The following BPIFB4 variants were observed in gnomAD, a reference collection of about 807,000 sequenced individuals.
BPIFB4 encodes BPI fold containing family B member 4.
Under a neutral mutation model 69.2 loss-of-function variants are expected in BPIFB4, and 62 were observed. The ratio of observed to expected loss-of-function variants is 0.90; its 90% CI spans 0.73 to 1.11. The LOEUF is 1.11. BPIFB4 is among the 50% of genes least tolerant of loss of function. BPIFB4 has a pLI of 0.00. For synonymous variants in BPIFB4, 330 were observed against 332.7 expected, an observed-to-expected ratio of 0.99 and a Z score of 0.09; for missense variants, 789 against 792.0, an observed-to-expected ratio of 1.00 and a Z score of 0.04.
rs1440855716 is a variant in BPIFB4, at chr20:33,086,039, C to T, written c.801C>T (p.Asp267=). Reference sequence around the variant, plus strand: ...CCTCCAGTCTTATTGGCTTCCTGGACATCGCAGTAGAAGTGAACATCACAG... The same window carrying T: ...CCTCCAGTCTTATTGGCTTCCTGGATATCGCAGTAGAAGTGAACATCACAG... ...INGKSLIGFL[D]IAVEVNITAK... Residue 267 remains aspartate, a synonymous_variant, in exon 7 of 18, where the codon GAC becomes GAT. Coordinates refer to ENST00000375483, the MANE Select transcript of BPIFB4 (RefSeq NM_182519.3). 6 of 1,611,376 alleles carry T rather than the reference C, an allele frequency of 3.7e-6. No homozygotes were observed. The highest frequency in any genetic ancestry group is 4.5e-5 in the East Asian group (2 of 44,796).
At chr20:33,094,563 G>A (rs1981703452) in intron 11 of BPIFB4, among the ~76,000 whole-genome samples, 1 of 150,730 alleles carries the variant, frequency 6.6e-6, no homozygotes, top group Non-Finnish European at 1.5e-5. Context: ...CTGTAGTGCA[G>A]TGTTGTGATG....
chr20:33,086,228 A>G (rs1981425641), intron 7 of BPIFB4, 64 bp downstream of exon 7: 3 of 1,557,394 alleles, frequency 1.9e-6, no homozygotes, highest in Middle Eastern at 1.8e-4. Flanking sequence ...TTGGCAAACA[A>G]CATGACGTCA....
chr20:33,089,051 G>A (rs1001985155), intron 8 of BPIFB4, 22 bp downstream of exon 8: 2 of 1,613,814 alleles, frequency 1.2e-6, no homozygotes, highest in Non-Finnish European at 1.7e-6. Context: ...TCCCAGTATG[G>A]GAGCAAGGGG....
At chr20:33,085,939 A>G (rs7351894) in intron 6 of BPIFB4, 82 bp from the exon 7 acceptor site, 2 of 1,490,696 alleles carry the variant, frequency 1.3e-6, no homozygotes, top group African/African-American at 2.8e-5. Flanking sequence ...TGGCAGGGAC[A>G]GCAAGGACAG....
intron 15 of BPIFB4, among the ~76,000 whole-genome samples, 164 bp downstream of exon 15, chr20:33,103,178 G>A (rs557161832): frequency 3.3e-4 from 50 of 152,318 alleles, no homozygotes; most frequent in African/African-American, 1.2e-3. Flanking sequence ...ATGGACAGAT[G>A]TAGAAACTGA....
chr20:33,104,579 C>T, intron 15 of BPIFB4: 1 of 494,406 alleles, frequency 2.0e-6, no homozygotes, highest in South Asian at 3.1e-5. Context: ...CCTTGGGCCA[C>T]CACCCATGCT....
At chr20:33,102,308 T>C (rs956575165) in intron 14 of BPIFB4, among the ~76,000 whole-genome samples, 1 of 152,262 alleles carries the variant, frequency 6.6e-6, no homozygotes, top group Admixed American at 6.5e-5. Flanking sequence ...CTGATGCTTC[T>C]GAACAGCCCC....
chr20:33,082,893 G>GA, intron 3 of BPIFB4, 45 bp from the exon 4 acceptor site: 2 of 1,574,076 alleles, frequency 1.3e-6, no homozygotes, highest in Non-Finnish European at 1.7e-6. Flanking sequence ...GCTGGAGGTG[G>GA]AAAAAAGGGA....
rs201450323 is a variant in BPIFB4 at position 33,100,473 on chromosome 20, G to C, written c.1617G>C (p.Met539Ile). 338 of 1,608,244 alleles carry C rather than the reference G, an allele frequency of 2.1e-4. 3 individuals carry two copies. In the South Asian group the frequency reaches 3.5e-3, roughly 17 times the overall value. Reference sequence around the variant, plus strand: ...TTTCCACAGAAGGAGATAAGCTCATGATTGATGCCAAGCTGGAGAAGTAAG... The same window carrying C: ...TTTCCACAGAAGGAGATAAGCTCATCATTGATGCCAAGCTGGAGAAGTAAG... ...ASFSTEGDKL[M>I]IDAKLEKTSL... The change falls in exon 14 of 18, where the codon ATG becomes ATC. Residue 539 changes from methionine to isoleucine, a missense_variant. Coordinates refer to ENST00000375483, the MANE Select transcript of BPIFB4 (RefSeq NM_182519.3).
intron 9 of BPIFB4, among the ~76,000 whole-genome samples, chr20:33,090,104 A>G (rs565705861): frequency 2.0e-5 from 3 of 152,234 alleles, no homozygotes; most frequent in Non-Finnish European, 4.4e-5. Flanking sequence ...GCACCATTCC[A>G]GGGACCTCCT....
chr20:33,104,909 T>A, intron 16 of BPIFB4, 36 bp downstream of exon 16: 5 of 1,601,894 alleles, frequency 3.1e-6, no homozygotes, highest in Non-Finnish European at 4.3e-6. Context: ...TGGGAGCTTG[T>A]GGCTTGGGTA....
intron 9 of BPIFB4, among the ~76,000 whole-genome samples, chr20:33,090,479 C>T (rs1295655848): frequency 6.6e-6 from 1 of 152,198 alleles, no homozygotes; most frequent in Non-Finnish European, 1.5e-5. Flanking sequence ...TACAGTAAAC[C>T]CATTTTACAG....
chr20:33,110,480 G>A (rs761754510), intron 17 of BPIFB4, among the ~76,000 whole-genome samples: 3 of 152,124 alleles, frequency 2.0e-5, no homozygotes, highest in South Asian at 4.1e-4. Flanking sequence ...TTTTCCCTTA[G>A]TAGCTAATCA....
chr20:33,088,781 T>C (rs1434859726), intron 7 of BPIFB4, among the ~76,000 whole-genome samples, 185 bp from the exon 8 acceptor site: 1 of 152,236 alleles, frequency 6.6e-6, no homozygotes, highest in Non-Finnish European at 1.5e-5. Context: ...CCAAACAATT[T>C]GCCTGGGTGG....
Position 33,088,974 on chromosome 20 carries a change from C to A in BPIFB4, c.935C>A (p.Pro312His). The change falls in exon 8 of 18, where the codon CCC becomes CAC. Residue 312 changes from proline to histidine, a missense_variant. Physicochemically the swap from Pro to His is moderately conservative, Grantham distance 77. Coordinates refer to ENST00000375483, the MANE Select transcript of BPIFB4 (RefSeq NM_182519.3). ...TGCTCCTGTCTCCTTAGGCTTCTCCCCAATCTCGTGGACAATTTAGTGAAC... is the reference window on the plus strand; with the variant it reads ...TGCTCCTGTCTCCTTAGGCTTCTCCACAATCTCGTGGACAATTTAGTGAAC... ...IKVKLLRGLL[P>H]NLVDNLVNRV... 1 of 1,613,868 alleles carries A rather than the reference C, an allele frequency of 6.2e-7. No homozygotes were observed. Among genetic ancestry groups the A allele is most frequent in the East Asian group, 2.2e-5 (1 of 44,870 alleles).
chr20:33,111,589 C>A lies in BPIFB4; in HGVS notation c.*152C>A. 1.1e-6 allele frequency: 1 copy of A among 938,732 alleles called. No individual in the cohort carries two copies. The highest frequency in any genetic ancestry group is 1.6e-6 in the Non-Finnish European group (1 of 613,766). 58.2% of individuals were successfully genotyped at this position (938,732 alleles called of 1,614,324 possible). ...CAACCCTCTTCCTCCCTTGCCCCAA[C>A]CCTGAGAAAGGGTCCAGCCACTACC... On this transcript the variant is annotated 3_prime_UTR_variant, in exon 18 of 18. Transcript: ENST00000375483.
intron 8 of BPIFB4, among the ~76,000 whole-genome samples, chr20:33,089,296 T>G (rs1414354257): frequency 1.3e-5 from 2 of 152,198 alleles, no homozygotes. Flanking sequence ...GGTGCCAAGT[T>G]GCATCATCTT....
At chr20:33,083,960 G>A (rs1547004) in intron 5 of BPIFB4, 86 bp downstream of exon 5, 315,781 of 1,455,270 alleles carry the variant, frequency 0.22, 35,274 homozygotes, top group Admixed American at 0.32. Context: ...GTTGCCGGAG[G>A]GAAGGTCTTC....
rs749270544 is a variant in BPIFB4, at chr20:33,089,540, C to A, written c.1033C>A (p.Gln345Lys). The change falls in exon 9 of 18, where the codon CAG (glutamine) becomes AAG (lysine). Residue 345 changes from glutamine (Q) to lysine (K), a missense_variant. By Grantham distance (53) the Gln-to-Lys change is moderately conservative (BLOSUM62 1). Transcript: ENST00000375483. Reference sequence around the variant, plus strand: ...TGTGGTGCTGGGTCTTGTCAATGACCAGCTGGGCCTCGTGGATTGTAAGTC... The same window carrying A: ...TGTGGTGCTGGGTCTTGTCAATGACAAGCTGGGCCTCGTGGATTGTAAGTC... ...VDVVLGLVND[Q>K]LGLVDSLIPL... 1.1e-5 allele frequency: 18 copies of A among 1,614,106 alleles called. No individual in the cohort carries two copies. The South Asian group carries it at 1.8e-4, about 16-fold the overall frequency.
Sources: allele counts gnomAD v4.1 joint callset (sites outside exome capture counted in the v4.1 genomes callset), GRCh38; gene constraint gnomAD v4.1.1; transcripts MANE v1.5; gene names NCBI Gene and HGNC (gene_info 2026-07-23, HGNC 2026-07-21).